GLRB: variants seen among roughly 807,000 people sequenced by gnomAD.
The protein encoded by GLRB is glycine receptor subunit beta.
Under a neutral mutation model 54.2 loss-of-function variants are expected in GLRB, and 33 were observed. The observed-to-expected ratio is 0.61, with a 90% confidence interval of 0.46 to 0.81. The LOEUF is 0.81. Ranked by LOEUF, GLRB falls within the 40% of genes least tolerant of loss-of-function variation. The pLI, the probability that GLRB is intolerant of heterozygous loss-of-function variation, is 0.00. For missense variants in GLRB, 572 were observed against 584.6 expected (o/e 0.98, Z 0.22); for synonymous variants, 209 against 208.2 (o/e 1.00, Z -0.03).
chr4:157,163,441 A>G (rs1737590150), intron 9 of GLRB, among the ~76,000 whole-genome samples: 1 of 152,120 alleles, frequency 6.6e-6, no homozygotes, highest in Non-Finnish European at 1.5e-5. Context: ...CTATTTGGCC[A>G]TCTTGGAACC....
chr4:157,078,099 G>C lies in GLRB; in HGVS notation c.75G>C (p.Lys25Asn), dbSNP rs1444178117. 6.2e-7 allele frequency: 1 copy of C among 1,611,820 alleles called. No individual in the cohort carries two copies. ...LWVEEAYSKE[K>N]SSKKGKGKKK... Reference sequence around the variant, plus strand: ...TGGAAGAAGCCTATTCTAAGGAAAAGTCTTCAAAGAAAGGGAAGGGGAAAA... The same window carrying C: ...TGGAAGAAGCCTATTCTAAGGAAAACTCTTCAAAGAAAGGGAAGGGGAAAA... Residue 25 changes from lysine (K) to asparagine (N), a missense_variant, in exon 2 of 10, where the codon AAG (lysine) becomes AAC (asparagine). Physicochemically the swap from Lys to Asn is moderately conservative, Grantham distance 94. Transcript: ENST00000264428.
chr4:157,160,257 G>C (rs1019353838), intron 9 of GLRB, among the ~76,000 whole-genome samples: 1 of 144,236 alleles, frequency 6.9e-6, no homozygotes, highest in Non-Finnish European at 1.5e-5. Flanking sequence ...GTGGTCTATC[G>C]ATTTTTTTCA....
intron 2 of GLRB, among the ~76,000 whole-genome samples, chr4:157,086,620 A>C (rs569314622): frequency 6.6e-6 from 1 of 152,208 alleles, no homozygotes; most frequent in East Asian, 1.9e-4. Flanking sequence ...AGATGTTGTC[A>C]TATAAAATAA....
chr4:157,129,917 C>G (rs1736150611), intron 4 of GLRB, among the ~76,000 whole-genome samples: 1 of 151,376 alleles, frequency 6.6e-6, no homozygotes, highest in African/African-American at 2.4e-5. Context: ...TAGAGAAACC[C>G]AAACATGTTA....
At chr4:157,086,869 A>G (rs987911471) in intron 2 of GLRB, among the ~76,000 whole-genome samples, 2 of 152,172 alleles carry the variant, frequency 1.3e-5, no homozygotes, top group African/African-American at 2.4e-5. Flanking sequence ...TCATGGGCCT[A>G]TGATTAAAAC....
At position 157,152,964 on chromosome 4, in the gene GLRB, A is replaced by G. The variant is rs751012465; in HGVS notation, c.1151A>G (p.Asn384Ser). 1.9e-6 allele frequency: 3 copies of G among 1,614,028 alleles called. No homozygotes were observed. The highest frequency in any genetic ancestry group is 2.5e-6 in the Non-Finnish European group (3 of 1,179,946). The part of the protein sequence containing the change: ...DGKGGNVAKK[N>S]TVNGTGTPVH... ...AAAGGTGGAAATGTGGCTAAAAAGAATACTGTGAATGGAACAGGGACTCCT... is the reference window on the plus strand; with the variant it reads ...AAAGGTGGAAATGTGGCTAAAAAGAGTACTGTGAATGGAACAGGGACTCCT... The change falls in exon 9 of 10, where the codon AAT (asparagine) becomes AGT (serine). Residue 384 changes from asparagine to serine, a missense_variant. Transcript: ENST00000264428.
chr4:157,098,156 C>T (rs967741815), intron 2 of GLRB, among the ~76,000 whole-genome samples: 13 of 152,080 alleles, frequency 8.5e-5, no homozygotes, highest in Non-Finnish European at 1.6e-4. Flanking sequence ...GGAGTAATAA[C>T]AATTTATACT....
intron 4 of GLRB, among the ~76,000 whole-genome samples, chr4:157,132,734 A>T (rs940787239): frequency 6.6e-6 from 1 of 151,906 alleles, no homozygotes; most frequent in African/African-American, 2.4e-5. Flanking sequence ...TTATTAATGA[A>T]TAACTGTTGA....
At chr4:157,122,033 A>C (rs1472080606) in intron 3 of GLRB, among the ~76,000 whole-genome samples, 2 of 151,498 alleles carry the variant, frequency 1.3e-5, no homozygotes, top group Non-Finnish European at 3.0e-5. Context: ...AATTTAAAAA[A>C]AGATTTAAAA....
At chr4:157,091,955 A>C (rs1224670274) in intron 2 of GLRB, among the ~76,000 whole-genome samples, 1 of 152,182 alleles carries the variant, frequency 6.6e-6, no homozygotes, top group East Asian at 1.9e-4. Context: ...CATTAACACT[A>C]TACAAAATCA....
At chr4:157,156,130 G>A (rs982182259) in intron 9 of GLRB, among the ~76,000 whole-genome samples, 1 of 152,124 alleles carries the variant, frequency 6.6e-6, no homozygotes, top group Non-Finnish European at 1.5e-5. Flanking sequence ...CTCTAATTCT[G>A]TGAAAAATGA....
intron 9 of GLRB, among the ~76,000 whole-genome samples, chr4:157,164,646 C>T (rs1024535449): frequency 1.4e-4 from 21 of 152,192 alleles, no homozygotes; most frequent in African/African-American, 4.8e-4. Context: ...TCTGTTACTA[C>T]ATTAAATTAA....
At chr4:157,145,591 A>T (rs939381043) in intron 8 of GLRB, among the ~76,000 whole-genome samples, 14 of 152,330 alleles carry the variant, frequency 9.2e-5, no homozygotes, top group East Asian at 7.7e-4. Flanking sequence ...GATGTTGTTA[A>T]CAAAATAAAT....
At chr4:157,114,653 C>T (rs1439787979) in intron 2 of GLRB, among the ~76,000 whole-genome samples, 1 of 151,668 alleles carries the variant, frequency 6.6e-6, no homozygotes, top group Non-Finnish European at 1.5e-5. Context: ...TTGGCCGTGA[C>T]AGTCACTCAC....
intron 8 of GLRB, among the ~76,000 whole-genome samples, chr4:157,144,899 T>G (rs556434304): frequency 1.3e-4 from 20 of 152,024 alleles, no homozygotes; most frequent in African/African-American, 1.2e-4. Context: ...AAGAAATTTG[T>G]TTTTTTTACA....
At chr4:157,116,118 A>T (rs998546647) in intron 2 of GLRB, among the ~76,000 whole-genome samples, 10 of 151,774 alleles carry the variant, frequency 6.6e-5, no homozygotes, top group Non-Finnish European at 1.5e-4. Flanking sequence ...AAATTTCTGG[A>T]TTTTTCCTTT....
At chr4:157,143,634 A>G (rs35590434) in intron 7 of GLRB, among the ~76,000 whole-genome samples, 173 bp from the exon 8 acceptor site, 2,509 of 152,202 alleles carry the variant, frequency 0.016, 38 homozygotes, top group Middle Eastern at 0.034. Context: ...CCATAATGTC[A>G]CCCTTTTAGA....
At chr4:157,112,275 C>T (rs1735449216) in intron 2 of GLRB, among the ~76,000 whole-genome samples, 1 of 151,902 alleles carries the variant, frequency 6.6e-6, no homozygotes, top group African/African-American at 2.4e-5. Flanking sequence ...CCTTGAGAAT[C>T]CATAAACAAA....
At chr4:157,162,187 C>A (rs1218524225) in intron 9 of GLRB, among the ~76,000 whole-genome samples, 3 of 152,204 alleles carry the variant, frequency 2.0e-5, no homozygotes, top group African/African-American at 4.8e-5. Context: ...TCCATCAGGT[C>A]ATTTAAGGAT....
Sources: gnomAD v4.1 joint callset for allele counts (sites outside exome capture counted in the v4.1 genomes callset) on GRCh38, gnomAD v4.1.1 for gene constraint, MANE v1.5 for transcripts, NCBI Gene and HGNC (gene_info 2026-07-23, HGNC 2026-07-21) for gene names.